Variants in AOX1 observed in about 807,000 individuals in gnomAD.
The protein encoded by AOX1 is aldehyde oxidase.
AOX1 carries 153 observed loss-of-function variants against 169.5 expected under a neutral mutation model. The observed-to-expected ratio is 0.90, with a 90% confidence interval of 0.79 to 1.03. The LOEUF is 1.03. Ranked by LOEUF, AOX1 falls within the 50% of genes least tolerant of loss-of-function variation. AOX1 has a pLI of 0.00. For missense variants in AOX1, 1,656 were observed against 1,663.9 expected, an observed-to-expected ratio of 1.00 and a Z score of 0.08; for synonymous variants, 562 against 581.9, an observed-to-expected ratio of 0.97 and a Z score of 0.49.
intron 20 of AOX1, among the ~76,000 whole-genome samples, chr2:200,631,758 A>G (rs2035129601): frequency 6.6e-6 from 1 of 152,196 alleles, no homozygotes; most frequent in Non-Finnish European, 1.5e-5. Flanking sequence ...TTTAGCTCTG[A>G]ATATTTTAAA....
At chr2:200,587,267 A>T (rs1332871163) in intron 1 of AOX1, among the ~76,000 whole-genome samples, 1 of 152,168 alleles carries the variant, frequency 6.6e-6, no homozygotes, top group Non-Finnish European at 1.5e-5. Context: ...CAGCTTGGAC[A>T]AAAGAGTGAG....
downstream of AOX1, among the ~76,000 whole-genome samples, chr2:200,673,236 C>G (rs765488861): frequency 6.6e-6 from 1 of 152,206 alleles, no homozygotes; most frequent in Non-Finnish European, 1.5e-5. Flanking sequence ...GCTGCCTTTA[C>G]TCCCATGGCT....
chr2:200,593,036 T>C, intron 1 of AOX1, 110 bp from the exon 2 acceptor site: 1 of 801,428 alleles, frequency 1.2e-6, no homozygotes, highest in Non-Finnish European at 2.1e-6. Context: ...TACTTGAAAA[T>C]ATGAGTAAAA....
chr2:200,603,441 C>A, intron 7 of AOX1, 85 bp downstream of exon 7: 5 of 1,027,406 alleles, frequency 4.9e-6, no homozygotes, highest in Non-Finnish European at 5.9e-6. Context: ...AATGGCTACC[C>A]AAGTTGACTA....
chr2:200,648,420 C>A (rs1474557551), intron 25 of AOX1, among the ~76,000 whole-genome samples: 2 of 152,226 alleles, frequency 1.3e-5, no homozygotes, highest in Non-Finnish European at 2.9e-5. Context: ...GGGTTGTCTG[C>A]ACAGAGTCCT....
intron 33 of AOX1, 30 bp from the exon 34 acceptor site, chr2:200,669,545 T>C: frequency 6.2e-7 from 1 of 1,611,358 alleles, no homozygotes; most frequent in Non-Finnish European, 8.5e-7. Flanking sequence ...GAGAGAGAGG[T>C]ATAATCTAGT....
downstream of AOX1, chr2:200,679,423 G>GT (rs775591109): frequency 2.1e-4 from 31 of 151,166 alleles, no homozygotes; most frequent in Non-Finnish European, 4.0e-4. Flanking sequence ...CCCAGTTCAG[G>GT]TAAGAGCACA....
At position 200,609,120 on chromosome 2, in the gene AOX1, G is replaced by A. The variant is rs777160401; in HGVS notation, c.1044G>A (p.Gln348=). The change falls in exon 11 of 35, where the codon CAG becomes CAA. Residue 348 remains glutamine (Q), a synonymous_variant. Coordinates refer to ENST00000374700, the MANE Select transcript of AOX1 (RefSeq NM_001159.4). ...ATTTGGGAACTCTGGCTGGGTCCCA[G>A]ATCAGGAACATGGCTGTATGTATCT... is the stretch of plus-strand genomic sequence containing the variant. ...LKHLGTLAGS[Q]IRNMASLGGH... 15 of 1,613,910 alleles carry A rather than the reference G, an allele frequency of 9.3e-6. No individual in the cohort carries two copies. In the South Asian group the frequency reaches 1.4e-4, roughly 15 times the overall value.
Position 200,661,018 on chromosome 2 carries a change from C to T in AOX1, c.3376-561C>T, listed in dbSNP as rs533033783. ...CGCTAATGATTGATGTGCTTCTGAC[C>T]TTCATTCCTAGACTTAGGGACTTGG... is the stretch of plus-strand genomic sequence containing the variant. On this transcript the variant is annotated intron_variant, in intron 29 of 34. Transcript: ENST00000374700. 2.0e-5 allele frequency among the ~76,000 whole-genome samples: 3 copies of T among 152,258 alleles called. No individual in the cohort carries two copies. In the East Asian group the frequency reaches 5.8e-4, roughly 29 times the overall value.
In AOX1 at chr2:200,662,952, C is replaced by T; in HGVS notation, c.3526C>T (p.Leu1176=). 1.2e-6 allele frequency: 2 copies of T among 1,613,982 alleles called. No homozygotes were observed. The highest frequency in any genetic ancestry group is 1.7e-6 in the Non-Finnish European group (2 of 1,179,866). The part of the protein sequence containing the change: ...AACSEVEIDC[L]TGDHKNIRTD... ...CTGTTCCGAGGTTGAAATAGACTGC[C>T]TGACGGGGGATCATAAGGTCAGTAC... Residue 1176 remains leucine (L), a synonymous_variant, in exon 31 of 35, where the codon CTG becomes TTG. Transcript: ENST00000374700.
chr2:200,627,713 G>A (rs751651967), intron 20 of AOX1, among the ~76,000 whole-genome samples: 8 of 152,008 alleles, frequency 5.3e-5, no homozygotes, highest in Non-Finnish European at 7.4e-5. Context: ...TGTTAGAGAT[G>A]TCATTTTCTT....
chr2:200,670,407 C>G (rs1161392818), intron 34 of AOX1, among the ~76,000 whole-genome samples: 1 of 152,124 alleles, frequency 6.6e-6, no homozygotes, highest in Non-Finnish European at 1.5e-5. Flanking sequence ...AACAGAGACC[C>G]ACTCCACTTT....
chr2:200,676,946 G>C (rs1158438016), exon 5 of AOX1: 1 of 470,598 alleles, frequency 2.1e-6, no homozygotes, highest in South Asian at 1.5e-5. Flanking sequence ...ACAAGATTCA[G>C]CCAATGCTGG....
intron 18 of AOX1, among the ~76,000 whole-genome samples, chr2:200,623,084 G>A (rs2034919685): frequency 6.6e-6 from 1 of 152,144 alleles, no homozygotes; most frequent in African/African-American, 2.4e-5. Context: ...AGACATAATA[G>A]TTCAAAGTCA....
At chr2:200,624,100 A>G in intron 19 of AOX1, 117 bp downstream of exon 19, 1 of 1,251,218 alleles carries the variant, frequency 8.0e-7, no homozygotes, top group Non-Finnish European at 1.1e-6. Context: ...AAGCACACGG[A>G]CTTTATTAAC....
At chr2:200,634,095 A>G (rs191738639) in intron 20 of AOX1, among the ~76,000 whole-genome samples, 127 of 148,006 alleles carry the variant, frequency 8.6e-4, no homozygotes, top group Non-Finnish European at 1.6e-3. Context: ...TTATTGTCTT[A>G]ATTTTTTTGT....
intron 15 of AOX1, 31 bp from the exon 16 acceptor site, chr2:200,615,940 T>A (rs767873264): frequency 6.5e-7 from 1 of 1,532,274 alleles, no homozygotes; most frequent in Non-Finnish European, 9.0e-7. Context: ...TTCAAACTAT[T>A]TAAAATATCT....
rs1180572563 is a variant in AOX1 at position 200,651,084 on chromosome 2, C to G, written c.2958C>G (p.Tyr986Ter). 1.2e-6 allele frequency: 2 copies of G among 1,614,168 alleles called. No homozygotes were observed. Among genetic ancestry groups the G allele is most frequent in the Non-Finnish European group, 1.7e-6 (2 of 1,179,976 alleles). Residue 986 changes from tyrosine (Y) to a stop codon, truncating the protein, a stop_gained, in exon 26 of 35, where the codon TAC becomes TAG. Transcript: ENST00000374700. LOFTEE classifies it high-confidence loss of function. ...GAGAATGTATGGCCATGTCTTCCTA[C>G]TCCTTGAGGAAAGTTGCTGTGGAAA... ...CWRECMAMSS[Y>*]SLRKVAVEKF...
At chr2:200,590,292 C>T (rs1401130386) in intron 1 of AOX1, among the ~76,000 whole-genome samples, 1 of 152,190 alleles carries the variant, frequency 6.6e-6, no homozygotes, top group Non-Finnish European at 1.5e-5. Flanking sequence ...AACTTGGACT[C>T]TCCCAAAAGG....
Sources: gnomAD v4.1 joint callset for allele counts (sites outside exome capture counted in the v4.1 genomes callset) on GRCh38, gnomAD v4.1.1 for gene constraint, MANE v1.5 for transcripts, NCBI Gene and HGNC (gene_info 2026-07-23, HGNC 2026-07-21) for gene names.